ATP2C1: variants seen among roughly 807,000 people sequenced by gnomAD.
ATP2C1 encodes ATPase secretory pathway Ca2+ transporting 1, also known as calcium-transporting ATPase type 2C member 1.
ATP2C1 carries 31 observed loss-of-function variants against 120.5 expected under a neutral mutation model. The observed-to-expected ratio is 0.26, with a 90% CI of 0.19 to 0.35. ATP2C1 has a LOEUF of 0.35. Among genes scored for constraint, ATP2C1 ranks in the 10% least tolerant of loss-of-function variants. The pLI is 1.00. For missense variants in ATP2C1, 731 were observed against 1,107.5 expected (o/e 0.66, Z 4.83); for synonymous variants, 351 against 358.7 (o/e 0.98, Z 0.24).
At chr3:130,957,093 T>G (rs1037414559) in intron 11 of ATP2C1, among the ~76,000 whole-genome samples, 6 of 152,218 alleles carry the variant, frequency 3.9e-5, no homozygotes, top group African/African-American at 1.2e-4. Flanking sequence ...ATTTATATCC[T>G]ACTGCTCAAG....
chr3:130,929,093 A>G (rs977709467), intron 2 of ATP2C1, among the ~76,000 whole-genome samples: 47 of 152,310 alleles, frequency 3.1e-4, no homozygotes, highest in African/African-American at 1.0e-3. Context: ...TAAAAATATT[A>G]TGCTATAAAA....
intron 5 of ATP2C1, among the ~76,000 whole-genome samples, chr3:130,936,094 A>G (rs1254183834): frequency 6.6e-6 from 1 of 152,214 alleles, no homozygotes; most frequent in Non-Finnish European, 1.5e-5. Flanking sequence ...TCAGGTTTTC[A>G]AGCAATAATT....
chr3:130,881,302 TACTC>T (rs1426778469), intron 1 of ATP2C1, among the ~76,000 whole-genome samples: 5 of 152,152 alleles, frequency 3.3e-5, no homozygotes, highest in African/African-American at 1.2e-4. Context: ...CAATTTAACT[TACTC>T]ACCTATTTTA....
At chr3:130,986,184 C>CTTTTTT (rs34877609) in intron 20 of ATP2C1, among the ~76,000 whole-genome samples, 1 of 135,152 alleles carries the variant, frequency 7.4e-6, no homozygotes, top group Admixed American at 7.4e-5. Flanking sequence ...TTGAATAGGG[C>CTTTTTT]TTTTTTTTTT....
rs143705178 is a variant in ATP2C1 at position 130,903,626 on chromosome 3, CCTT to C, written c.6+8855_6+8857del. On this transcript the variant is annotated intron_variant, in intron 2 of 27. Coordinates refer to ENST00000510168, the MANE Select transcript of ATP2C1 (RefSeq NM_001378687.1). ...CTTTCTTTCTTTCTCTCCCTCCCTC[CCTT>C]CTTTCCTTCTGCCCCTTCCTCCCCC... Among the ~76,000 whole-genome samples, 1,127 of 151,734 alleles carry C rather than the reference CCTT, an allele frequency of 7.4e-3. 22 individuals are homozygous for C. Among genetic ancestry groups the C allele is most frequent in the African/African-American group, 0.025 (1,039 of 41,366 alleles).
chr3:130,953,162 T>C (rs1158016719), intron 8 of ATP2C1, among the ~76,000 whole-genome samples: 2 of 152,204 alleles, frequency 1.3e-5, no homozygotes, highest in Admixed American at 1.3e-4. Flanking sequence ...AAATTGTTTT[T>C]TTTTTCTTTT....
At chr3:130,949,768 A>G (rs897417366) in intron 8 of ATP2C1, among the ~76,000 whole-genome samples, 13 of 51,936 alleles carry the variant, frequency 2.5e-4, no homozygotes, top group African/African-American at 4.4e-4. Flanking sequence ...AGTGTTAGTA[A>G]GTTAAATACA....
chr3:130,865,226 A>G (rs1433671620), intron 1 of ATP2C1, among the ~76,000 whole-genome samples: 2 of 152,136 alleles, frequency 1.3e-5, no homozygotes, highest in Non-Finnish European at 2.9e-5. Context: ...TTGGACTTGT[A>G]TGGGCCTCGT....
intron 1 of ATP2C1, among the ~76,000 whole-genome samples, chr3:130,882,665 T>G (rs1428053013): frequency 6.6e-6 from 1 of 152,206 alleles, no homozygotes; most frequent in Admixed American, 6.5e-5. Flanking sequence ...ATTAATTGAT[T>G]TGCATGTGTT....
At chr3:130,998,778 A>AT (rs919355107) in intron 26 of ATP2C1, among the ~76,000 whole-genome samples, 5 of 151,858 alleles carry the variant, frequency 3.3e-5, no homozygotes, top group Non-Finnish European at 5.9e-5. Flanking sequence ...TTATGTGCCT[A>AT]TTTTTTTTCC....
At chr3:130,893,742 G>A (rs2069296581), upstream of ATP2C1, among the ~76,000 whole-genome samples, 1 of 152,188 alleles carries the variant, frequency 6.6e-6, no homozygotes. Context: ...CCGACACGGG[G>A]CGTGGGCGAA....
chr3:130,894,974 G>C lies in ATP2C1; in HGVS notation c.6+199G>C, dbSNP rs1041989197. ...GGGGCATTTGAGAGATTGAGGTTCTGTGGGTGACTGAGCTTGATTCAGCTT... is the reference window on the plus strand; with the variant it reads ...GGGGCATTTGAGAGATTGAGGTTCTCTGGGTGACTGAGCTTGATTCAGCTT... On this transcript the variant is annotated intron_variant, in intron 2 of 27. Transcript: ENST00000510168. This position sits in a 1 kb window ranked among gnomAD's most constrained non-coding sequence, Gnocchi z 4.5. 6.6e-6 allele frequency among the ~76,000 whole-genome samples: 1 copy of C among 152,198 alleles called. No homozygotes were observed.
At chr3:130,933,571 G>A (rs1356389792) in intron 4 of ATP2C1, among the ~76,000 whole-genome samples, 2 of 152,182 alleles carry the variant, frequency 1.3e-5, no homozygotes, top group Non-Finnish European at 2.9e-5. Context: ...GACTCAGTCA[G>A]GTTTGTGGTT....
At chr3:130,872,765 A>T (rs1157084925) in intron 1 of ATP2C1, among the ~76,000 whole-genome samples, 1 of 151,984 alleles carries the variant, frequency 6.6e-6, no homozygotes, top group Non-Finnish European at 1.5e-5. Flanking sequence ...TTGTATATTT[A>T]GTAGAGACGG....
intron 17 of ATP2C1, 97 bp downstream of exon 17, chr3:130,969,493 A>G (rs903073777): frequency 1.2e-5 from 11 of 892,948 alleles, no homozygotes; most frequent in African/African-American, 9.9e-5. Context: ...TGTACATAAT[A>G]AAGACTTGTT....
chr3:131,005,951 T>C (rs890889839), downstream of ATP2C1, among the ~76,000 whole-genome samples: 4 of 152,146 alleles, frequency 2.6e-5, no homozygotes, highest in African/African-American at 9.7e-5. Flanking sequence ...TGAGAGCGTG[T>C]GTGTGTGTGT....
At chr3:130,913,614 T>A (rs1335563112) in intron 2 of ATP2C1, among the ~76,000 whole-genome samples, 1 of 152,200 alleles carries the variant, frequency 6.6e-6, no homozygotes, top group Non-Finnish European at 1.5e-5. Context: ...TATTTAAGAT[T>A]TTTTTGGTGT....
At chr3:130,969,102 G>C (rs2061181785) in intron 16 of ATP2C1, among the ~76,000 whole-genome samples, 190 bp from the exon 17 acceptor site, 1 of 152,150 alleles carries the variant, frequency 6.6e-6, no homozygotes, top group East Asian at 1.9e-4. Flanking sequence ...CTACATACCT[G>C]GGCTTTCATG....
At chr3:130,913,597 C>T (rs2058546171) in intron 2 of ATP2C1, among the ~76,000 whole-genome samples, 1 of 152,060 alleles carries the variant, frequency 6.6e-6, no homozygotes, top group African/African-American at 2.4e-5. Context: ...TTAAAATCTG[C>T]TGTATTTATT....
Sources: gnomAD v4.1 joint callset for allele counts (sites outside exome capture counted in the v4.1 genomes callset) on GRCh38, gnomAD v4.1.1 for gene constraint, Gnocchi (gnomAD v3.1) non-coding constraint, MANE v1.5 for transcripts, NCBI Gene and HGNC (gene_info 2026-07-23, HGNC 2026-07-21) for gene names.